PON3: variants seen among roughly 807,000 people sequenced by gnomAD.
PON3 encodes paraoxonase 3.
A neutral mutation model predicts 36.3 loss-of-function variants in PON3; 37 were observed. The ratio of observed to expected loss-of-function variants is 1.02; its 90% CI spans 0.78 to 1.34. The LOEUF is 1.34. Among genes scored for constraint, PON3 ranks in the 40% most tolerant of loss-of-function variants. The pLI is 0.00. For missense variants in PON3, 415 were observed against 426.5 expected (o/e 0.97, Z 0.24); for synonymous variants, 155 against 154.8 (o/e 1.00, Z -0.01).
rs966765781 is a variant in PON3 at position 95,359,875 on chromosome 7, G to T, written c.*98C>A. ...TAAGAAAAGCCACACTCACTGGTTG[G>T]TGTTTGCTATTTACTTACAGTGCCA... On this transcript the variant is annotated 3_prime_UTR_variant, in exon 9 of 9. Transcript: ENST00000265627. 1 of 1,238,710 alleles carries T rather than the reference G, an allele frequency of 8.1e-7. No individual in the cohort carries two copies. The highest frequency in any genetic ancestry group is 2.4e-4 in the Middle Eastern group (1 of 4,230). The allele number at this position is 1,238,710 out of a possible 1,614,324, so 76.7% of individuals were successfully genotyped here.
At chr7:95,371,718 A>G (rs926082885) in intron 4 of PON3, among the ~76,000 whole-genome samples, 4 of 152,182 alleles carry the variant, frequency 2.6e-5, no homozygotes, top group Non-Finnish European at 5.9e-5. Flanking sequence ...ATGATTTACA[A>G]ATACTATCTC....
At chr7:95,389,196 A>T (rs903886396) in intron 3 of PON3, among the ~76,000 whole-genome samples, 6 of 152,224 alleles carry the variant, frequency 3.9e-5, no homozygotes, top group Admixed American at 1.3e-4. Flanking sequence ...AAGAAATAAA[A>T]TATTGCCCAC....
chr7:95,387,397 T>A (rs1450380809), intron 3 of PON3, among the ~76,000 whole-genome samples: 1 of 152,060 alleles, frequency 6.6e-6, no homozygotes, highest in East Asian at 1.9e-4. Flanking sequence ...ATAAAGAGAA[T>A]AAAATACCTG....
At chr7:95,362,904 T>C in intron 6 of PON3, 63 bp from the exon 7 acceptor site, 1 of 1,235,452 alleles carries the variant, frequency 8.1e-7, no homozygotes, top group Non-Finnish European at 1.2e-6. Flanking sequence ...TCACTTTTAT[T>C]TTGGAGAAGA....
At chr7:95,396,221 T>A in intron 1 of PON3, 56 bp downstream of exon 1, 1 of 1,588,054 alleles carries the variant, frequency 6.3e-7, no homozygotes, top group Non-Finnish European at 8.6e-7. Context: ...GCCCCTGACC[T>A]CACTTGGAAG....
chr7:95,376,052 C>G (rs557832460), intron 3 of PON3, among the ~76,000 whole-genome samples: 2 of 152,278 alleles, frequency 1.3e-5, no homozygotes, highest in South Asian at 4.2e-4. Flanking sequence ...GTCTTGAGTT[C>G]AAGGATCTTG....
At chr7:95,372,031 A>G in intron 4 of PON3, 142 bp downstream of exon 4, 3 of 1,033,612 alleles carry the variant, frequency 2.9e-6, no homozygotes, top group African/African-American at 1.6e-5. Context: ...AAGGTTTTAT[A>G]CCTATTTATC....
At chr7:95,382,216 A>C (rs62469562) in intron 3 of PON3, among the ~76,000 whole-genome samples, 14,660 of 152,206 alleles carry the variant, frequency 0.096, 1,170 homozygotes, top group African/African-American at 0.22. Flanking sequence ...TGTAGAGGGA[A>C]ATTTATAGCA....
chr7:95,367,153 G>C (rs1036648175), intron 5 of PON3, among the ~76,000 whole-genome samples: 2 of 152,188 alleles, frequency 1.3e-5, no homozygotes, highest in African/African-American at 2.4e-5. Flanking sequence ...CTTTCAAAAT[G>C]CTCGAAAATA....
intron 3 of PON3, among the ~76,000 whole-genome samples, chr7:95,379,277 C>T (rs777071765): frequency 1.1e-4 from 16 of 152,212 alleles, no homozygotes; most frequent in African/African-American, 1.7e-4. Context: ...CCAGCATGAG[C>T]GACACAGAAG....
rs1004246822 is a variant in PON3, at chr7:95,382,367, GGAGATA to G, written c.201+7781_201+7786del. Among the ~76,000 whole-genome samples, 43 of 152,230 alleles carry G rather than the reference GGAGATA, an allele frequency of 2.8e-4. 1 individual carries two copies. The highest frequency in any genetic ancestry group is 1.0e-3 in the African/African-American group (42 of 41,550). On this transcript the variant is annotated intron_variant, in intron 3 of 8. Transcript: ENST00000265627. ...TAACTAAGATCAGAGCAGAACTGAAGGAGATAGAGACACAAAAAACCCTTCAAAAAA... is the reference window on the plus strand; with the variant it reads ...TAACTAAGATCAGAGCAGAACTGAAGGAGACACAAAAAACCCTTCAAAAAA...
At chr7:95,363,518 T>A (rs1808623538) in intron 6 of PON3, 1 of 330,718 alleles carries the variant, frequency 3.0e-6, no homozygotes, top group South Asian at 2.9e-5. Context: ...GAACTTAGCA[T>A]AAGTGGTCAA....
intron 3 of PON3, among the ~76,000 whole-genome samples, chr7:95,373,130 CCTAT>C (rs1477792049): frequency 2.0e-5 from 3 of 152,156 alleles, no homozygotes; most frequent in Non-Finnish European, 4.4e-5. Flanking sequence ...CTCCATGTCC[CCTAT>C]CTATCACTGG....
chr7:95,381,728 A>C (rs1396158307), intron 3 of PON3, among the ~76,000 whole-genome samples: 2 of 152,172 alleles, frequency 1.3e-5, no homozygotes, highest in Non-Finnish European at 2.9e-5. Context: ...CTACAAAGAG[A>C]CTTAGACTCC....
At chr7:95,372,476 T>C (rs1235638320) in intron 3 of PON3, 138 bp from the exon 4 acceptor site, 1 of 940,448 alleles carries the variant, frequency 1.1e-6, no homozygotes, top group East Asian at 2.6e-5. Flanking sequence ...TTTCACTCTG[T>C]CAGCTGTTTC....
At chr7:95,386,249 A>G (rs1809187371) in intron 3 of PON3, among the ~76,000 whole-genome samples, 1 of 152,206 alleles carries the variant, frequency 6.6e-6, no homozygotes, top group Non-Finnish European at 1.5e-5. Flanking sequence ...ATTAATAAAG[A>G]AGAAATGAGA....
intron 2 of PON3, among the ~76,000 whole-genome samples, chr7:95,391,799 A>G (rs960724009): frequency 6.6e-6 from 1 of 152,110 alleles, no homozygotes; most frequent in Non-Finnish European, 1.5e-5. Flanking sequence ...GTTTTGATTA[A>G]CCTGTATCTA....
At chr7:95,390,761 T>C (rs1257881358) in intron 2 of PON3, among the ~76,000 whole-genome samples, 1 of 152,206 alleles carries the variant, frequency 6.6e-6, no homozygotes, top group East Asian at 1.9e-4. Context: ...TTTAGTTAGA[T>C]CTTTTTTCTC....
chr7:95,368,814 C>CAAAAAAAAAA (rs11388951), intron 4 of PON3, among the ~76,000 whole-genome samples: 1 of 133,110 alleles, frequency 7.5e-6, no homozygotes. Context: ...CAAAAACAAA[C>CAAAAAAAAAA]AAAAAAAAAA....
Sources: gnomAD v4.1 joint callset for allele counts (sites outside exome capture counted in the v4.1 genomes callset) on GRCh38, gnomAD v4.1.1 for gene constraint, MANE v1.5 for transcripts, NCBI Gene and HGNC (gene_info 2026-07-23, HGNC 2026-07-21) for gene names.